Variants in RAPGEF4 observed in about 807,000 individuals in gnomAD.
RAPGEF4 encodes Rap guanine nucleotide exchange factor 4, also known as RAP guanine-nucleotide-exchange factor (GEF) 4.
In RAPGEF4, 66 loss-of-function variants were observed where a neutral mutation model predicts 147.9. The ratio of observed to expected loss-of-function variants is 0.45; its 90% CI spans 0.37 to 0.55. RAPGEF4 has a LOEUF of 0.55. Ranked by LOEUF, RAPGEF4 falls within the 20% of genes least tolerant of loss-of-function variation. RAPGEF4 has a pLI of 0.00. For synonymous variants in RAPGEF4, 419 were observed against 442.7 expected, an observed-to-expected ratio of 0.95 and a Z score of 0.67; for missense variants, 1,071 against 1,257.3, an observed-to-expected ratio of 0.85 and a Z score of 2.24.
chr2:172,965,196 C>A, intron 8 of RAPGEF4: 1 of 240,612 alleles, frequency 4.2e-6, no homozygotes. Flanking sequence ...ATGTATTTTG[C>A]TTTGCCTCCA....
At chr2:173,023,534 C>G (rs970293923) in intron 23 of RAPGEF4, among the ~76,000 whole-genome samples, 5 of 152,144 alleles carry the variant, frequency 3.3e-5, no homozygotes, top group Admixed American at 6.5e-5. Context: ...CTCACATTGC[C>G]TCTTCCGTGG....
At chr2:172,760,717 CA>C (rs768839615) in intron 1 of RAPGEF4, among the ~76,000 whole-genome samples, 2,548 of 74,170 alleles carry the variant, frequency 0.034, 17 homozygotes, top group Middle Eastern at 0.073. Context: ...GACTCCATCT[CA>C]AAAAAAAAAA....
intron 6 of RAPGEF4, among the ~76,000 whole-genome samples, chr2:172,951,463 C>G (rs1276897698): frequency 1.3e-5 from 2 of 152,224 alleles, no homozygotes; most frequent in African/African-American, 2.4e-5. Context: ...ATGCAGCTAA[C>G]ATTTCAGTAC....
chr2:172,860,741 G>GC (rs1273572321), intron 4 of RAPGEF4, among the ~76,000 whole-genome samples: 1 of 151,994 alleles, frequency 6.6e-6, no homozygotes, highest in Non-Finnish European at 1.5e-5. Flanking sequence ...AATATGTAAA[G>GC]CCAGCCTGCT....
At chr2:172,944,669 A>G (rs1687507383) in intron 6 of RAPGEF4, among the ~76,000 whole-genome samples, 1 of 152,312 alleles carries the variant, frequency 6.6e-6, no homozygotes, top group African/African-American at 2.4e-5. Context: ...AGCTTTAATC[A>G]AGGGGCTGTT....
chr2:172,956,099 C>T, intron 6 of RAPGEF4, among the ~76,000 whole-genome samples: 1 of 152,342 alleles, frequency 6.6e-6, no homozygotes, highest in South Asian at 2.1e-4. Flanking sequence ...TCCCTCTCAG[C>T]AGTGGCCCCG....
At chr2:172,992,144 G>T (rs992327348) in intron 15 of RAPGEF4, among the ~76,000 whole-genome samples, 1 of 152,036 alleles carries the variant, frequency 6.6e-6, no homozygotes, top group Non-Finnish European at 1.5e-5. Flanking sequence ...ACACTGTTTA[G>T]TAAATATTGC....
intron 4 of RAPGEF4, among the ~76,000 whole-genome samples, chr2:172,825,966 C>T (rs529189476): frequency 1.3e-5 from 2 of 152,278 alleles, no homozygotes; most frequent in South Asian, 4.2e-4. Context: ...CATATCTTGC[C>T]TCTAATTGTT....
intron 1 of RAPGEF4, among the ~76,000 whole-genome samples, chr2:172,790,721 T>C (rs1685726697): frequency 6.6e-6 from 1 of 152,210 alleles, no homozygotes; most frequent in African/African-American, 2.4e-5. Flanking sequence ...AGGACTGCCA[T>C]GCTGTTCAGA....
At chr2:172,871,859 T>G (rs930748723) in intron 4 of RAPGEF4, among the ~76,000 whole-genome samples, 2 of 152,134 alleles carry the variant, frequency 1.3e-5, no homozygotes, top group Non-Finnish European at 2.9e-5. Context: ...GGCAGTTGGT[T>G]ATTTTCCTGT....
intron 4 of RAPGEF4, among the ~76,000 whole-genome samples, chr2:172,903,898 C>T (rs1699348700): frequency 6.6e-6 from 1 of 152,130 alleles, no homozygotes; most frequent in Admixed American, 6.6e-5. Context: ...GTCTCTGAGC[C>T]GGCAGTCTTC....
intron 4 of RAPGEF4, chr2:172,894,347 T>C (rs976702928): frequency 6.6e-6 from 1 of 152,250 alleles, no homozygotes; most frequent in African/African-American, 2.4e-5. Flanking sequence ...CTCTCAATAG[T>C]ATACCACTGG....
chr2:173,048,487 A>C lies in RAPGEF4; in HGVS notation c.2854-113A>C, dbSNP rs977321107. The C allele has an allele frequency of 2.6e-6, 4 of 1,510,562 alleles. No homozygotes were observed. In the African/African-American group the frequency reaches 5.6e-5, roughly 21 times the overall value. The allele number at this position is 1,510,562 out of a possible 1,614,324, so 93.6% of individuals were successfully genotyped here. A position where few individuals can be genotyped will look rare whatever the true frequency, so the allele number is the denominator to read the frequency against. ...TGCCTTCAGATAGTCAACATCTCAG[A>C]ACATGTCACTTCTCATGGTACCAAG... On this transcript the variant is annotated intron_variant, in intron 29 of 30. Coordinates refer to ENST00000397081, the MANE Select transcript of RAPGEF4 (RefSeq NM_007023.4).
chr2:172,794,223 C>CA (rs943886660), intron 1 of RAPGEF4, among the ~76,000 whole-genome samples: 1 of 150,880 alleles, frequency 6.6e-6, no homozygotes, highest in Non-Finnish European at 1.5e-5. Flanking sequence ...ACTAAAAATA[C>CA]AAAAAATTAG....
chr2:172,915,000 A>G (rs1245587667), intron 4 of RAPGEF4, among the ~76,000 whole-genome samples: 1 of 152,242 alleles, frequency 6.6e-6, no homozygotes, highest in Non-Finnish European at 1.5e-5. Flanking sequence ...ATTTTCTGAT[A>G]CAGGTTTTAT....
intron 10 of RAPGEF4, among the ~76,000 whole-genome samples, chr2:172,972,857 A>G (rs1445346369): frequency 6.6e-6 from 1 of 152,230 alleles, no homozygotes; most frequent in Non-Finnish European, 1.5e-5. Flanking sequence ...GACAAGAGTT[A>G]AAAAAGAAGA....
intron 13 of RAPGEF4, 77 bp from the exon 14 acceptor site, chr2:172,988,616 G>A (rs558011708): frequency 1.4e-6 from 2 of 1,468,770 alleles, no homozygotes; most frequent in Non-Finnish European, 1.9e-6. Context: ...AGGGGCTTGG[G>A]GGTCTTGTGG....
chr2:172,823,392 T>C lies in RAPGEF4; in HGVS notation c.444+8967T>C, dbSNP rs151301098. 2.5e-4 allele frequency among the ~76,000 whole-genome samples: 38 copies of C among 152,326 alleles called. No individual in the cohort carries two copies. In the East Asian group the frequency reaches 5.0e-3, roughly 20 times the overall value. Reference sequence around the variant, plus strand: ...GTCATGTGTTGTGATTCCAAATGTCTGGGTTTGTTTTTTGTTGTTCAGCCA... The same window carrying C: ...GTCATGTGTTGTGATTCCAAATGTCCGGGTTTGTTTTTTGTTGTTCAGCCA... On this transcript the variant is annotated intron_variant, in intron 4 of 30. Transcript: ENST00000397081.
Position 173,018,710 on chromosome 2 carries a change from T to C in RAPGEF4, c.2063T>C (p.Val688Ala), listed in dbSNP as rs1695737129. Reference protein sequence around the residue: ...DHTYTTIRVPVATSVKEVISA... With the variant: ...DHTYTTIRVPAATSVKEVISA... The stretch of plus-strand genomic sequence containing the variant: ...ACCTACACAACCATTCGGGTGCCAG[T>C]GGCCACTTCGGTGAAGGAAGTCATC... Residue 688 changes from valine to alanine, a missense_variant, in exon 22 of 31, where the codon GTG (valine) becomes GCG (alanine). Coordinates refer to ENST00000397081, the MANE Select transcript of RAPGEF4 (RefSeq NM_007023.4). 1 of 1,614,126 alleles carries C rather than the reference T, an allele frequency of 6.2e-7. No individual in the cohort carries two copies. The highest frequency in any genetic ancestry group is 1.1e-5 in the South Asian group (1 of 91,076).
Sources: gnomAD v4.1 joint callset for allele counts (sites outside exome capture counted in the v4.1 genomes callset) on GRCh38, gnomAD v4.1.1 for gene constraint, MANE v1.5 for transcripts, NCBI Gene and HGNC (gene_info 2026-07-23, HGNC 2026-07-21) for gene names.